The following STX18 variants were observed in gnomAD, a reference collection of about 807,000 sequenced individuals.
STX18 encodes syntaxin-18.
Under a neutral mutation model 50.1 loss-of-function variants are expected in STX18, and 40 were observed. The ratio of observed to expected loss-of-function variants is 0.80; its 90% CI spans 0.62 to 1.04. The LOEUF (loss-of-function observed/expected upper bound fraction) is 1.04, where lower values mean the gene tolerates loss of function less well. Among genes scored for constraint, STX18 ranks in the 50% least tolerant of loss-of-function variants. The pLI, the probability that STX18 is intolerant of heterozygous loss-of-function variation, is 0.00. For missense variants in STX18, 410 were observed against 415.8 expected, an observed-to-expected ratio of 0.99 and a Z score of 0.12; for synonymous variants, 158 against 151.8, an observed-to-expected ratio of 1.04 and a Z score of -0.30.
chr4:4,472,175 C>T (rs1404980981), intron 1 of STX18, among the ~76,000 whole-genome samples: 2 of 152,122 alleles, frequency 1.3e-5, no homozygotes, highest in Non-Finnish European at 2.9e-5. Context: ...CAATTTATCC[C>T]CACATAGCAA....
chr4:4,436,493 G>GA (rs557444352), intron 6 of STX18, among the ~76,000 whole-genome samples: 286 of 150,306 alleles, frequency 1.9e-3, no homozygotes, highest in African/African-American at 6.8e-3. Context: ...CTTTTTTAAG[G>GA]AAAAAAACAT....
chr4:4,428,065 C>T (rs1173142727), intron 7 of STX18, among the ~76,000 whole-genome samples: 2 of 152,222 alleles, frequency 1.3e-5, no homozygotes, highest in Non-Finnish European at 1.5e-5. Flanking sequence ...TAGATCATGG[C>T]AAGGCTGCTG....
intron 2 of STX18, among the ~76,000 whole-genome samples, chr4:4,469,822 C>T (rs73796016): frequency 0.02 from 3,084 of 152,134 alleles, 99 homozygotes; most frequent in African/African-American, 0.071. Flanking sequence ...TTCTCTATGA[C>T]AGGTGGAAAG....
At chr4:4,514,632 A>G (rs1023044531) in intron 1 of STX18, among the ~76,000 whole-genome samples, 1 of 152,210 alleles carries the variant, frequency 6.6e-6, no homozygotes, top group African/African-American at 2.4e-5. Context: ...GATAACATCC[A>G]TCTAGTCTTT....
chr4:4,485,349 G>A (rs540943528), intron 1 of STX18, among the ~76,000 whole-genome samples: 11 of 152,310 alleles, frequency 7.2e-5, no homozygotes, highest in Non-Finnish European at 1.2e-4. Flanking sequence ...ATAGGGCAAG[G>A]TGAACTTTAG....
chr4:4,492,748 A>G (rs1728997562), intron 1 of STX18, among the ~76,000 whole-genome samples: 1 of 152,194 alleles, frequency 6.6e-6, no homozygotes. Context: ...TTTAGAAACC[A>G]GTCGAGGATG....
intron 5 of STX18, among the ~76,000 whole-genome samples, chr4:4,450,578 A>G (rs1262609665): frequency 6.6e-6 from 1 of 152,226 alleles, no homozygotes; most frequent in Non-Finnish European, 1.5e-5. Context: ...TGCTAGGATT[A>G]CAGGCGTGAG....
chr4:4,460,640 T>G (rs560378956), intron 2 of STX18, among the ~76,000 whole-genome samples: 1 of 152,008 alleles, frequency 6.6e-6, no homozygotes, highest in Non-Finnish European at 1.5e-5. Flanking sequence ...GAAAAAGAAA[T>G]CCCACAGCCT....
intron 5 of STX18, among the ~76,000 whole-genome samples, chr4:4,439,234 CA>C (rs1450585789): frequency 9.8e-5 from 11 of 112,720 alleles, no homozygotes; most frequent in African/African-American, 6.4e-4. Flanking sequence ...CACATATACA[CA>C]CACACCACAT....
At chr4:4,434,117 AT>A (rs1290024117) in intron 7 of STX18, among the ~76,000 whole-genome samples, 1 of 152,232 alleles carries the variant, frequency 6.6e-6, no homozygotes, top group Non-Finnish European at 1.5e-5. Flanking sequence ...TGGTAGTCAC[AT>A]TCCCCACGTC....
At chr4:4,502,861 C>T (rs1478560850) in intron 1 of STX18, among the ~76,000 whole-genome samples, 1 of 152,166 alleles carries the variant, frequency 6.6e-6, no homozygotes, top group Non-Finnish European at 1.5e-5. Flanking sequence ...TCCCACATGC[C>T]CGATGCAATC....
At chr4:4,505,631 A>T (rs960597687) in intron 1 of STX18, among the ~76,000 whole-genome samples, 2 of 151,886 alleles carry the variant, frequency 1.3e-5, no homozygotes, top group Non-Finnish European at 1.5e-5. Context: ...AATAAAAAAA[A>T]AAAAAAAATC....
rs375609558 is a variant in STX18, at chr4:4,457,444, A to T, written c.409T>A (p.Phe137Ile). The T allele has an allele frequency of 7.4e-6, 12 of 1,613,724 alleles. No homozygotes were observed. The highest frequency in any genetic ancestry group is 1.0e-5 in the Non-Finnish European group (12 of 1,179,900). ...VKEHRTAVLDFIEDYLKRVCK... is the reference protein window; with the variant it reads ...VKEHRTAVLDIIEDYLKRVCK... Reference sequence around the variant, plus strand: ...ATACTTTTCAAGTAATCTTCAATGAAATCCAAAACAGCGGTCCTGTGCTCC... The same window carrying T: ...ATACTTTTCAAGTAATCTTCAATGATATCCAAAACAGCGGTCCTGTGCTCC... The change falls in exon 4 of 11, where the codon TTC becomes ATC. Residue 137 changes from phenylalanine (F) to isoleucine (I), a missense_variant. Transcript: ENST00000306200.
chr4:4,520,866 A>G (rs1293997441), intron 1 of STX18, among the ~76,000 whole-genome samples: 1 of 152,264 alleles, frequency 6.6e-6, no homozygotes, highest in Non-Finnish European at 1.5e-5. Context: ...ATCTTTCAGA[A>G]AACATAAGAT....
intron 8 of STX18, 109 bp from the exon 9 acceptor site, chr4:4,423,696 A>AGG (rs72598797): frequency 1.0e-6 from 1 of 956,328 alleles, no homozygotes; most frequent in African/African-American, 4.3e-5. Flanking sequence ...TGGGAGAGAC[A>AGG]GGGGGCACAC....
intron 1 of STX18, among the ~76,000 whole-genome samples, chr4:4,484,011 G>A (rs1054099938): frequency 3.3e-5 from 5 of 151,988 alleles, no homozygotes; most frequent in Admixed American, 1.3e-4. Flanking sequence ...ACAGGTGCGT[G>A]CCACCATGCC....
intron 1 of STX18, among the ~76,000 whole-genome samples, chr4:4,532,712 C>T (rs1220247607): frequency 6.6e-6 from 1 of 152,146 alleles, no homozygotes; most frequent in Non-Finnish European, 1.5e-5. Context: ...ACATAGTAAG[C>T]TATTGGCAAA....
At chr4:4,421,628 A>T (rs1724972985) in intron 9 of STX18, among the ~76,000 whole-genome samples, 1 of 152,200 alleles carries the variant, frequency 6.6e-6, no homozygotes, top group Middle Eastern at 3.2e-3. Context: ...GGTGACGGAC[A>T]AAAACCTAAG....
intron 1 of STX18, among the ~76,000 whole-genome samples, chr4:4,497,415 A>T (rs1327079675): frequency 6.6e-6 from 1 of 152,232 alleles, no homozygotes; most frequent in Non-Finnish European, 1.5e-5. Flanking sequence ...ACTTTATTAC[A>T]ACATGTGATT....
Sources: allele counts gnomAD v4.1 joint callset (sites outside exome capture counted in the v4.1 genomes callset), GRCh38; gene constraint gnomAD v4.1.1; transcripts MANE v1.5; gene names NCBI Gene and HGNC (gene_info 2026-07-23, HGNC 2026-07-21).